The following NEK11 variants were observed in gnomAD, a reference collection of about 807,000 sequenced individuals.
NEK11 encodes NIMA related kinase 11.
A neutral mutation model predicts 80.7 loss-of-function variants in NEK11; 72 were observed. The observed-to-expected ratio is 0.89, with a 90% confidence interval of 0.74 to 1.08. NEK11 has a LOEUF of 1.08. Among genes scored for constraint, NEK11 ranks in the 50% least tolerant of loss-of-function variants. The probability of loss-of-function intolerance (pLI) is 0.00; values close to 1 mark genes in which losing one functional copy is unlikely to be tolerated. For synonymous variants in NEK11, 251 were observed against 260.7 expected (o/e 0.96, Z 0.36); for missense variants, 764 against 763.6 (o/e 1.00, Z -0.01).
At chr3:131,285,191 A>C (rs920488313) in intron 17 of NEK11, among the ~76,000 whole-genome samples, 37 of 152,204 alleles carry the variant, frequency 2.4e-4, no homozygotes, top group Middle Eastern at 3.2e-3. Context: ...GCCCATTGGA[A>C]AGGAGGCTCT....
At chr3:131,184,942 A>G (rs2093536681) in intron 14 of NEK11, among the ~76,000 whole-genome samples, 1 of 152,198 alleles carries the variant, frequency 6.6e-6, no homozygotes, top group Non-Finnish European at 1.5e-5. Flanking sequence ...ATGGCCAGCC[A>G]TCCTTTAATA....
intron 4 of NEK11, among the ~76,000 whole-genome samples, chr3:131,108,494 C>T (rs1324673354): frequency 2.6e-5 from 4 of 152,118 alleles, no homozygotes; most frequent in Admixed American, 2.6e-4. Flanking sequence ...CTCAAATTAT[C>T]TCTAAGTTTT....
chr3:131,149,316 C>T (rs2089149730), intron 7 of NEK11, among the ~76,000 whole-genome samples: 1 of 152,038 alleles, frequency 6.6e-6, no homozygotes, highest in African/African-American at 2.4e-5. Flanking sequence ...TGATCTCATT[C>T]TTTTTTATGG....
At chr3:131,122,267 A>T (rs2082514334) in intron 5 of NEK11, among the ~76,000 whole-genome samples, 1 of 152,200 alleles carries the variant, frequency 6.6e-6, no homozygotes, top group Non-Finnish European at 1.5e-5. Flanking sequence ...GTGGAAAAGC[A>T]GAGAGAAGTT....
intron 4 of NEK11, among the ~76,000 whole-genome samples, chr3:131,099,696 C>G (rs1242043038): frequency 6.6e-6 from 1 of 151,828 alleles, no homozygotes. Context: ...CTATGGTTAG[C>G]TGTATTCCTG....
In NEK11 at chr3:131,218,805, A is replaced by G. The variant is rs960825319; in HGVS notation, c.1400-9723A>G. 5.3e-5 allele frequency among the ~76,000 whole-genome samples: 8 copies of G among 152,338 alleles called. No homozygotes were observed. In the East Asian group the frequency reaches 1.5e-3, roughly 29 times the overall value. On this transcript the variant is annotated intron_variant, in intron 14 of 17. Transcript: ENST00000383366. ...ATTTGCGTTTCTCTAATGACCAGTG[A>G]TGATGAGCTTTTTTTCATATGTTTG...
chr3:131,120,037 A>G (rs1468113948), intron 5 of NEK11, among the ~76,000 whole-genome samples: 1 of 152,048 alleles, frequency 6.6e-6, no homozygotes, highest in African/African-American at 2.4e-5. Context: ...TTAGCTGGTT[A>G]TTTTGCTCGT....
intron 3 of NEK11, among the ~76,000 whole-genome samples, chr3:131,064,965 G>GAGAGAGTGTGTCCC (rs2071621979): frequency 1.3e-5 from 2 of 152,190 alleles, no homozygotes; most frequent in Admixed American, 1.3e-4. Flanking sequence ...AGAAAGGGTA[G>GAGAGAGTGTGTCCC]AGACAGTGTG....
At chr3:131,099,797 T>C (rs1444074970) in intron 4 of NEK11, among the ~76,000 whole-genome samples, 1 of 152,220 alleles carries the variant, frequency 6.6e-6, no homozygotes, top group African/African-American at 2.4e-5. Flanking sequence ...AGAAATGCTA[T>C]TGATTTTTGT....
chr3:131,170,145 C>A (rs1345371937), intron 13 of NEK11, among the ~76,000 whole-genome samples: 1 of 152,104 alleles, frequency 6.6e-6, no homozygotes, highest in South Asian at 2.1e-4. Context: ...AAAAATAGAT[C>A]AACTCAGCAC....
chr3:131,103,629 A>G (rs1259146805), intron 4 of NEK11, among the ~76,000 whole-genome samples: 1 of 152,128 alleles, frequency 6.6e-6, no homozygotes. Flanking sequence ...AACTCCTTCC[A>G]ATCACTGGCA....
chr3:131,121,480 C>G (rs1382545163), intron 5 of NEK11, among the ~76,000 whole-genome samples: 1 of 152,222 alleles, frequency 6.6e-6, no homozygotes, highest in Non-Finnish European at 1.5e-5. Context: ...ATCTCAAACT[C>G]TGTGCTGGGA....
intron 17 of NEK11, among the ~76,000 whole-genome samples, chr3:131,296,089 C>T (rs1472255862): frequency 1.3e-5 from 2 of 152,122 alleles, no homozygotes; most frequent in Non-Finnish European, 2.9e-5. Context: ...CATTCACCTG[C>T]GTTGGCCTCC....
At chr3:131,145,018 T>C (rs935882881) in intron 7 of NEK11, among the ~76,000 whole-genome samples, 43 of 152,160 alleles carry the variant, frequency 2.8e-4, no homozygotes, top group Non-Finnish European at 7.4e-5. Flanking sequence ...TTTTTATTTA[T>C]TTTTAGAGAT....
chr3:131,266,433 A>G (rs1299154618), intron 16 of NEK11, among the ~76,000 whole-genome samples: 1 of 152,206 alleles, frequency 6.6e-6, no homozygotes, highest in Non-Finnish European at 1.5e-5. Context: ...GTTTCAAAGA[A>G]CTTATTTATT....
At chr3:131,285,006 C>G (rs879768946) in intron 17 of NEK11, among the ~76,000 whole-genome samples, 43 of 152,188 alleles carry the variant, frequency 2.8e-4, no homozygotes, top group Non-Finnish European at 4.6e-4. Flanking sequence ...TTAGTTCTGT[C>G]CCTCTAGAGA....
intron 14 of NEK11, among the ~76,000 whole-genome samples, chr3:131,211,942 C>T (rs747540099): frequency 9.2e-5 from 14 of 152,048 alleles, no homozygotes; most frequent in Non-Finnish European, 1.6e-4. Context: ...TTCTTATTAC[C>T]GATCTTCTGA....
In NEK11 at chr3:131,126,185, T is replaced by A. The variant is rs375862721; in HGVS notation, c.456-6560T>A. ...GGATTTCAGTTCTACTTCCTTTATG[T>A]ACCCCACAAATTATTAATTAGTGCT... On this transcript the variant is annotated intron_variant, in intron 5 of 17. Transcript: ENST00000383366. Among the ~76,000 whole-genome samples, 9 of 152,314 alleles carry A rather than the reference T, an allele frequency of 5.9e-5. No homozygotes were observed. In the South Asian group the frequency reaches 1.9e-3, roughly 32 times the overall value.
intron 4 of NEK11, among the ~76,000 whole-genome samples, chr3:131,085,196 C>T (rs1412805078): frequency 6.6e-6 from 1 of 152,224 alleles, no homozygotes; most frequent in Non-Finnish European, 1.5e-5. Flanking sequence ...AATATGCTGG[C>T]TAACCTGAGA....
Sources: gnomAD v4.1 joint callset for allele counts (sites outside exome capture counted in the v4.1 genomes callset) on GRCh38, gnomAD v4.1.1 for gene constraint, MANE v1.5 for transcripts, NCBI Gene and HGNC (gene_info 2026-07-23, HGNC 2026-07-21) for gene names.